The following PRMT9 variants were observed in gnomAD, a reference collection of about 807,000 sequenced individuals.
PRMT9 encodes the protein protein arginine N-methyltransferase 9.
PRMT9 carries 59 observed loss-of-function variants against 83.2 expected under a neutral mutation model. The observed-to-expected ratio is 0.71, with a 90% CI of 0.57 to 0.88. PRMT9 has a LOEUF of 0.88. PRMT9 is among the 40% of genes least tolerant of loss of function. The probability of loss-of-function intolerance (pLI) is 0.00; values close to 1 mark genes in which losing one functional copy is unlikely to be tolerated. For missense variants in PRMT9, 947 were observed against 1,021.9 expected (o/e 0.93, Z 1.00); for synonymous variants, 333 against 353.2 (o/e 0.94, Z 0.64).
Position 147,653,935 on chromosome 4 carries a change from C to T in PRMT9, c.1962G>A (p.Lys654=), listed in dbSNP as rs2126593477. 1 of 1,614,176 alleles carries T rather than the reference C, an allele frequency of 6.2e-7. No individual in the cohort carries two copies. Among genetic ancestry groups the T allele is most frequent in the Non-Finnish European group, 8.5e-7 (1 of 1,180,024 alleles). The change falls in exon 9 of 12, where the codon AAG becomes AAA. Residue 654 remains lysine (K), a synonymous_variant. Coordinates refer to ENST00000322396, the MANE Select transcript of PRMT9 (RefSeq NM_138364.4). The part of the protein sequence containing the change: ...SAMLQRPKSD[K]LWSIIILDVI... ...CATCCAATATAATTATGCTCCATAA[C>T]TTGTCTGATTTTGGCCTTTGTAACA...
intron 2 of PRMT9, among the ~76,000 whole-genome samples, chr4:147,677,606 A>AC (rs1736177054): frequency 6.6e-6 from 1 of 151,952 alleles, no homozygotes. Flanking sequence ...GACACGTGCC[A>AC]CCACACCCGT....
At chr4:147,665,633 A>C (rs1735277186) in intron 6 of PRMT9, among the ~76,000 whole-genome samples, 1 of 152,196 alleles carries the variant, frequency 6.6e-6, no homozygotes, top group Non-Finnish European at 1.5e-5. Flanking sequence ...CCATTGCTCC[A>C]AGAAGCTATA....
rs540623423 is a variant in PRMT9, at chr4:147,652,210, A to T, written c.2045+1642T>A. Among the ~76,000 whole-genome samples the T allele has an allele frequency of 3.7e-3, 560 of 152,088 alleles. 2 individuals carry two copies. The highest frequency in any genetic ancestry group is 6.5e-3 in the Non-Finnish European group (441 of 67,974). On this transcript the variant is annotated intron_variant, in intron 9 of 11. Transcript: ENST00000322396. Reference sequence around the variant, plus strand: ...CTTTACTTTCTAATTTAATTAATTTAAAAAAAACTGAACTTACCAAATTTG... The same window carrying T: ...CTTTACTTTCTAATTTAATTAATTTTAAAAAAACTGAACTTACCAAATTTG...
intron 7 of PRMT9, 121 bp from the exon 8 acceptor site, chr4:147,658,096 ATCTT>A: frequency 1.4e-6 from 1 of 709,916 alleles, no homozygotes; most frequent in Non-Finnish European, 2.5e-6. Context: ...GGGATTCAGT[ATCTT>A]GGCACACCTA....
intron 10 of PRMT9, among the ~76,000 whole-genome samples, chr4:147,641,738 C>T (rs72721980): frequency 0.054 from 8,186 of 151,992 alleles, 305 homozygotes; most frequent in Middle Eastern, 0.12. Context: ...TTCAGCTTAC[C>T]GCAACCTCCA....
intron 6 of PRMT9, among the ~76,000 whole-genome samples, 178 bp downstream of exon 6, chr4:147,668,361 C>G (rs1735486273): frequency 6.6e-6 from 1 of 152,158 alleles, no homozygotes; most frequent in Non-Finnish European, 1.5e-5. Context: ...CTCTCTGCCC[C>G]CCATAACCTG....
intron 1 of PRMT9, among the ~76,000 whole-genome samples, chr4:147,683,240 T>C (rs774853238): frequency 6.6e-6 from 1 of 152,178 alleles, no homozygotes; most frequent in African/African-American, 2.4e-5. Context: ...AAATTAGATA[T>C]AAGGAGAAGA....
chr4:147,652,937 T>C (rs1560975932), intron 9 of PRMT9, among the ~76,000 whole-genome samples: 1 of 152,110 alleles, frequency 6.6e-6, no homozygotes, highest in South Asian at 2.1e-4. Flanking sequence ...TAATGTACCA[T>C]GTGATAGTGG....
chr4:147,658,120 A>G (rs1578902635), intron 7 of PRMT9, 145 bp from the exon 8 acceptor site: 1 of 615,258 alleles, frequency 1.6e-6, no homozygotes, highest in Non-Finnish European at 2.9e-6. Flanking sequence ...ATAACCATGT[A>G]AGGCCCACTG....
intron 2 of PRMT9, 105 bp from the exon 3 acceptor site, chr4:147,673,979 C>T (rs1455617864): frequency 3.3e-6 from 3 of 910,704 alleles, no homozygotes; most frequent in East Asian, 2.4e-5. Context: ...CATGCCAGCA[C>T]CCCAAATCCT....
chr4:147,668,949 G>C (rs1159715717), intron 5 of PRMT9, among the ~76,000 whole-genome samples: 1 of 152,098 alleles, frequency 6.6e-6, no homozygotes, highest in Non-Finnish European at 1.5e-5. Context: ...AGCTGGGCGT[G>C]GTGGCACGCG....
Position 147,643,426 on chromosome 4 carries a change from C to T in PRMT9, c.2046-486G>A, listed in dbSNP as rs140293669. The stretch of plus-strand genomic sequence containing the variant: ...TGGCTGGTATTTCAGAATAGTAAAC[C>T]ACTAGAAATAATTTCCCAAGTCAAA... On this transcript the variant is annotated intron_variant, in intron 9 of 11. Transcript: ENST00000322396. Among the ~76,000 whole-genome samples, 5 of 152,158 alleles carry T rather than the reference C, an allele frequency of 3.3e-5. No homozygotes were observed. The East Asian group carries it at 7.7e-4, about 24-fold the overall frequency.
intron 9 of PRMT9, among the ~76,000 whole-genome samples, chr4:147,651,253 A>C (rs1734079112): frequency 6.6e-6 from 1 of 152,340 alleles, no homozygotes; most frequent in Non-Finnish European, 1.5e-5. Flanking sequence ...TAAACAACTG[A>C]ATATAAGACC....
chr4:147,671,592 T>C (rs1465833332), intron 4 of PRMT9, among the ~76,000 whole-genome samples: 2 of 152,244 alleles, frequency 1.3e-5, no homozygotes, highest in Non-Finnish European at 2.9e-5. Flanking sequence ...CCACAGTGGC[T>C]AAACCCAACT....
At position 147,670,683 on chromosome 4, in the gene PRMT9, C is replaced by T. The variant is rs1735668273; in HGVS notation, c.804G>A (p.Glu268=). 2 of 1,613,614 alleles carry T rather than the reference C, an allele frequency of 1.2e-6. No homozygotes were observed. The highest frequency in any genetic ancestry group is 2.2e-5 in the East Asian group (1 of 44,834). ...DAGLFGEGIV[E]SLIHAWEHLL... ...AATGCTCCCATGCATGAATCAAACT[C>T]TCCACAATTCCTTCTCCAAATAAAC... The change falls in exon 5 of 12, where the codon GAG becomes GAA. Residue 268 remains glutamate (E), a synonymous_variant. Transcript: ENST00000322396.
intron 8 of PRMT9, among the ~76,000 whole-genome samples, chr4:147,655,548 A>G (rs982142112): frequency 4.6e-5 from 7 of 152,088 alleles, no homozygotes; most frequent in Non-Finnish European, 1.0e-4. Context: ...ACAAATTGTT[A>G]TACTTTTTTG....
chr4:147,677,695 G>C (rs1736183706), intron 2 of PRMT9, among the ~76,000 whole-genome samples: 1 of 151,902 alleles, frequency 6.6e-6, no homozygotes, highest in Non-Finnish European at 1.5e-5. Flanking sequence ...GACCTCAACT[G>C]ATCTGCCTGC....
intron 9 of PRMT9, among the ~76,000 whole-genome samples, chr4:147,648,300 T>C (rs1322162752): frequency 6.6e-6 from 1 of 152,060 alleles, no homozygotes; most frequent in Non-Finnish European, 1.5e-5. Flanking sequence ...GAAGGTTGAG[T>C]TGATCACTAA....
chr4:147,667,710 G>A (rs756851274), intron 6 of PRMT9, among the ~76,000 whole-genome samples: 1 of 151,952 alleles, frequency 6.6e-6, no homozygotes, highest in African/African-American at 2.4e-5. Flanking sequence ...CTACATTTAC[G>A]ATTAAGTTAT....
Sources: allele counts gnomAD v4.1 joint callset (sites outside exome capture counted in the v4.1 genomes callset), GRCh38; gene constraint gnomAD v4.1.1; transcripts MANE v1.5; gene names NCBI Gene and HGNC (gene_info 2026-07-23, HGNC 2026-07-21).